PTPN4: variants seen among roughly 807,000 people sequenced by gnomAD.
PTPN4 encodes tyrosine-protein phosphatase non-receptor type 4.
In PTPN4, 49 loss-of-function variants were observed where a neutral mutation model predicts 135.5. The observed-to-expected ratio is 0.36, with a 90% confidence interval of 0.29 to 0.46. PTPN4 has a LOEUF of 0.46. Ranked by LOEUF, PTPN4 falls within the 20% of genes least tolerant of loss-of-function variation. PTPN4 has a pLI of 1.00. For missense variants in PTPN4, 860 were observed against 1,101.0 expected (o/e 0.78, Z 3.10); for synonymous variants, 333 against 369.9 (o/e 0.90, Z 1.14).
chr2:119,811,871 A>G (rs1361482398), intron 2 of PTPN4, among the ~76,000 whole-genome samples: 2 of 151,884 alleles, frequency 1.3e-5, no homozygotes, highest in African/African-American at 4.8e-5. Context: ...AAAGACATAT[A>G]TATTAATGTA....
intron 3 of PTPN4, among the ~76,000 whole-genome samples, chr2:119,864,145 A>G (rs1486541520): frequency 6.6e-6 from 1 of 152,156 alleles, no homozygotes; most frequent in African/African-American, 2.4e-5. Flanking sequence ...AGGAATTCTC[A>G]TTGACTTACA....
chr2:119,802,537 G>C (rs1026357169), intron 1 of PTPN4, among the ~76,000 whole-genome samples: 1 of 152,134 alleles, frequency 6.6e-6, no homozygotes, highest in African/African-American at 2.4e-5. Flanking sequence ...AAAATATTGG[G>C]TGAACCTTGT....
intron 15 of PTPN4, 50 bp downstream of exon 15, chr2:119,935,008 T>A (rs758782590): frequency 6.6e-7 from 1 of 1,524,206 alleles, no homozygotes; most frequent in Non-Finnish European, 8.9e-7. Context: ...TGCCCCAAAT[T>A]GCTTTACTTA....
chr2:119,827,993 T>C (rs1432701668), intron 2 of PTPN4, among the ~76,000 whole-genome samples: 1 of 152,216 alleles, frequency 6.6e-6, no homozygotes, highest in Non-Finnish European at 1.5e-5. Flanking sequence ...TGACTCACTT[T>C]TAACCCTGAC....
intron 13 of PTPN4, among the ~76,000 whole-genome samples, chr2:119,929,053 G>T (rs547387521): frequency 6.6e-6 from 1 of 151,974 alleles, no homozygotes; most frequent in East Asian, 1.9e-4. Context: ...CCATGATTCC[G>T]TGAATAGTAG....
intron 9 of PTPN4, among the ~76,000 whole-genome samples, chr2:119,892,207 A>C (rs1269840262): frequency 6.6e-6 from 1 of 152,222 alleles, no homozygotes; most frequent in Non-Finnish European, 1.5e-5. Flanking sequence ...TAGAAGTCAG[A>C]ATAGCAGTCA....
intron 1 of PTPN4, among the ~76,000 whole-genome samples, chr2:119,785,978 T>C (rs999363379): frequency 2.6e-5 from 4 of 152,202 alleles, no homozygotes; most frequent in African/African-American, 9.6e-5. Flanking sequence ...GCAGAGTTGA[T>C]TTAGTGTAAT....
chr2:119,779,297 T>C (rs1272003318), intron 1 of PTPN4, among the ~76,000 whole-genome samples: 2 of 152,174 alleles, frequency 1.3e-5, no homozygotes, highest in African/African-American at 4.8e-5. Context: ...GATGGTCCAG[T>C]TGGGAATATT....
chr2:119,846,988 G>A (rs369856725), intron 2 of PTPN4, among the ~76,000 whole-genome samples: 3 of 150,620 alleles, frequency 2.0e-5, no homozygotes, highest in African/African-American at 7.3e-5. Context: ...GTAATTTTAT[G>A]TCTAGTAAGC....
intron 12 of PTPN4, among the ~76,000 whole-genome samples, chr2:119,923,975 A>C (rs1226537608): frequency 6.6e-6 from 1 of 152,032 alleles, no homozygotes; most frequent in African/African-American, 2.4e-5. Flanking sequence ...GTCTCTACTA[A>C]AAATACAAAA....
At chr2:119,868,545 G>A (rs562628471) in intron 3 of PTPN4, among the ~76,000 whole-genome samples, 1 of 152,252 alleles carries the variant, frequency 6.6e-6, no homozygotes, top group South Asian at 2.1e-4. Flanking sequence ...TGTTCATGTT[G>A]GCCATAATGC....
At chr2:119,874,640 A>G (rs754418204) in intron 3 of PTPN4, among the ~76,000 whole-genome samples, 1 of 152,202 alleles carries the variant, frequency 6.6e-6, no homozygotes, top group Non-Finnish European at 1.5e-5. Context: ...CTGACTGCGA[A>G]TAGGTACAAG....
chr2:119,960,047 A>G (rs1180358333), intron 22 of PTPN4, among the ~76,000 whole-genome samples: 1 of 152,166 alleles, frequency 6.6e-6, no homozygotes, highest in Non-Finnish European at 1.5e-5. Flanking sequence ...AAAAGTGGGA[A>G]GTTGCATATA....
chr2:119,851,530 C>T (rs1374506776), intron 2 of PTPN4, among the ~76,000 whole-genome samples: 1 of 152,170 alleles, frequency 6.6e-6, no homozygotes, highest in African/African-American at 2.4e-5. Context: ...TCCATATGCA[C>T]AGTGCCCTTC....
In PTPN4 at chr2:119,944,326, T is replaced by A. The variant is rs1679103641; in HGVS notation, c.1356-755T>A. Among the ~76,000 whole-genome samples, 3 of 152,240 alleles carry A rather than the reference T, an allele frequency of 2.0e-5. No individual in the cohort carries two copies. In the South Asian group the frequency reaches 6.2e-4, roughly 31 times the overall value. On this transcript the variant is annotated intron_variant, in intron 15 of 26. Coordinates refer to ENST00000263708, the MANE Select transcript of PTPN4 (RefSeq NM_002830.4). The stretch of plus-strand genomic sequence containing the variant: ...CACGACTTCTGTGGATGCATACTTC[T>A]TAAGACACAAGTTGAACCACAAGTT...
At chr2:119,766,074 C>T (rs774443435) in intron 1 of PTPN4, among the ~76,000 whole-genome samples, 6 of 152,134 alleles carry the variant, frequency 3.9e-5, no homozygotes, top group Non-Finnish European at 7.4e-5. Flanking sequence ...ACCAGTGTTT[C>T]GGAGAGCAAG....
chr2:119,775,263 C>T (rs1390339833), intron 1 of PTPN4, among the ~76,000 whole-genome samples: 1 of 152,194 alleles, frequency 6.6e-6, no homozygotes, highest in East Asian at 1.9e-4. Flanking sequence ...AGCTGCTAAC[C>T]CCCGAGCCTT....
At chr2:119,822,668 A>G (rs536673516) in intron 2 of PTPN4, among the ~76,000 whole-genome samples, 52 of 151,868 alleles carry the variant, frequency 3.4e-4, no homozygotes, top group Non-Finnish European at 6.5e-4. Context: ...GTGTGTTAGT[A>G]TCTCTTTAGC....
At chr2:119,838,932 A>G (rs918179958) in intron 2 of PTPN4, among the ~76,000 whole-genome samples, 1 of 152,134 alleles carries the variant, frequency 6.6e-6, no homozygotes. Context: ...CAGTTTACCA[A>G]TTACATTTAT....
Sources: gnomAD v4.1 joint callset for allele counts (sites outside exome capture counted in the v4.1 genomes callset) on GRCh38, gnomAD v4.1.1 for gene constraint, MANE v1.5 for transcripts, NCBI Gene and HGNC (gene_info 2026-07-23, HGNC 2026-07-21) for gene names.